RBFOX1: variants seen among roughly 807,000 people sequenced by gnomAD.
The protein encoded by RBFOX1 is RNA binding protein fox-1 homolog 1.
In RBFOX1, 8 loss-of-function variants were observed where a neutral mutation model predicts 57.7. The observed-to-expected ratio is 0.14, with a 90% CI of 0.08 to 0.25. The LOEUF (loss-of-function observed/expected upper bound fraction) is 0.25, where lower values mean the gene tolerates loss of function less well. Among genes scored for constraint, RBFOX1 ranks in the 10% least tolerant of loss-of-function variants. The probability of loss-of-function intolerance (pLI) is 1.00; values close to 1 mark genes in which losing one functional copy is unlikely to be tolerated. For synonymous variants in RBFOX1, 326 were observed against 222.4 expected, an observed-to-expected ratio of 1.47 and a Z score of -4.15; for missense variants, 611 against 548.5, an observed-to-expected ratio of 1.11 and a Z score of -1.14.
intron 14 of RBFOX1, among the ~76,000 whole-genome samples, chr16:7,682,955 A>G (rs1412232397): frequency 1.3e-5 from 1 of 76,048 alleles, no homozygotes; most frequent in Non-Finnish European, 2.6e-5. Context: ...TGAGATTCCT[A>G]TTACAAAGCA....
chr16:6,764,133 A>AG lies in RBFOX1; in HGVS notation c.-16+109486dup, dbSNP rs559759132. On this transcript the variant is annotated intron_variant, in intron 3 of 15. Coordinates refer to ENST00000550418, the MANE Select transcript of RBFOX1 (RefSeq NM_018723.4). ...TGCCTCCCAGTCTTTGCGTATGGAG[A>AG]GGGAAAGATGGGCATTCCCTAGTCC... Among the ~76,000 whole-genome samples the AG allele has an allele frequency of 7.9e-5, 12 of 152,216 alleles. No individual in the cohort carries two copies. The South Asian group carries it at 2.5e-3, about 32-fold the overall frequency.
chr16:7,407,984 CACAGTGCCTAAA>C (rs566005019), intron 4 of RBFOX1, among the ~76,000 whole-genome samples: 1 of 152,284 alleles, frequency 6.6e-6, no homozygotes, highest in Admixed American at 6.5e-5. Flanking sequence ...ATGTATGGCC[CACAGTGCCTAAA>C]ATATTTATTC....
At chr16:7,609,812 T>A (rs904811096) in intron 10 of RBFOX1, among the ~76,000 whole-genome samples, 16 of 148,638 alleles carry the variant, frequency 1.1e-4, no homozygotes, top group Admixed American at 1.0e-3. Context: ...GTTTTGTTTG[T>A]TTGTTTGTTT....
At chr16:7,628,293 C>T (rs1316592226) in intron 10 of RBFOX1, among the ~76,000 whole-genome samples, 3 of 152,034 alleles carry the variant, frequency 2.0e-5, no homozygotes, top group Admixed American at 6.6e-5. Context: ...AGGATCCTAT[C>T]GTAGATGATT....
intron 3 of RBFOX1, among the ~76,000 whole-genome samples, chr16:5,687,862 T>C (rs1390354853): frequency 6.6e-6 from 1 of 152,200 alleles, no homozygotes; most frequent in Non-Finnish European, 1.5e-5. Flanking sequence ...CATTTGTGGT[T>C]GGCATCCCCT....
intron 2 of RBFOX1, among the ~76,000 whole-genome samples, chr16:6,537,370 A>G (rs916589386): frequency 6.6e-6 from 1 of 152,218 alleles, no homozygotes; most frequent in East Asian, 1.9e-4. Context: ...GCTTACAATT[A>G]TGGATGAATT....
chr16:6,603,124 C>A (rs1188530716), intron 2 of RBFOX1, among the ~76,000 whole-genome samples: 1 of 152,288 alleles, frequency 6.6e-6, no homozygotes, highest in East Asian at 1.9e-4. Context: ...GTGGTCTTAG[C>A]TGAATTGTTC....
chr16:6,931,146 A>G (rs991863599), intron 3 of RBFOX1, among the ~76,000 whole-genome samples: 5 of 152,166 alleles, frequency 3.3e-5, no homozygotes, highest in Non-Finnish European at 5.9e-5. Context: ...AGAAAAATTC[A>G]GAACACATTG....
In RBFOX1 at chr16:7,608,023, C is replaced by T. The variant is rs2056687693; in HGVS notation, c.676+685C>T. Among the ~76,000 whole-genome samples the T allele has an allele frequency of 2.0e-5, 3 of 152,224 alleles. No homozygotes were observed. The South Asian group carries it at 6.2e-4, about 32-fold the overall frequency. On this transcript the variant is annotated intron_variant, in intron 10 of 15. Transcript: ENST00000550418. ...AGATTTCATGTCTCGATGTCCTCGGCTTGGCCCGTCACTACTGCCTGTATG... is the reference window on the plus strand; with the variant it reads ...AGATTTCATGTCTCGATGTCCTCGGTTTGGCCCGTCACTACTGCCTGTATG...
intron 4 of RBFOX1, among the ~76,000 whole-genome samples, chr16:7,233,841 T>A (rs7205378): frequency 0.64 from 97,221 of 152,100 alleles, 33,077 homozygotes; most frequent in East Asian, 0.96. Context: ...CAAAGCTAAT[T>A]GACAACAAGG....
intron 4 of RBFOX1, among the ~76,000 whole-genome samples, chr16:7,342,229 T>C (rs2096911674): frequency 6.6e-6 from 1 of 152,150 alleles, no homozygotes; most frequent in South Asian, 2.1e-4. Flanking sequence ...ATGGGAGTAA[T>C]ACCAAGTGTA....
chr16:6,956,554 G>T (rs1215505394), intron 3 of RBFOX1, among the ~76,000 whole-genome samples: 3 of 152,168 alleles, frequency 2.0e-5, no homozygotes, highest in Non-Finnish European at 4.4e-5. Context: ...GCCAGTGGGG[G>T]CAGTTGTACC....
intron 5 of RBFOX1, among the ~76,000 whole-genome samples, chr16:7,529,674 A>C (rs1272325894): frequency 6.6e-6 from 1 of 152,164 alleles, no homozygotes; most frequent in Non-Finnish European, 1.5e-5. Flanking sequence ...GCCTCTGAAG[A>C]TACTGAATTT....
chr16:7,534,598 A>C (rs899574241), intron 5 of RBFOX1, among the ~76,000 whole-genome samples: 1 of 152,270 alleles, frequency 6.6e-6, no homozygotes, highest in East Asian at 1.9e-4. Flanking sequence ...TAAAGTCGTT[A>C]GTGCGTCTTC....
chr16:6,263,584 C>G (rs955741787), intron 1 of RBFOX1, among the ~76,000 whole-genome samples: 1 of 152,166 alleles, frequency 6.6e-6, no homozygotes, highest in Admixed American at 6.6e-5. Flanking sequence ...CCCAATTCAA[C>G]AAGAACTAGT....
At chr16:6,076,874 G>C (rs570413419) in intron 1 of RBFOX1, among the ~76,000 whole-genome samples, 13 of 152,262 alleles carry the variant, frequency 8.5e-5, no homozygotes, top group Non-Finnish European at 1.6e-4. Flanking sequence ...TCAGTGAGTA[G>C]GCTCCAAAGC....
intron 1 of RBFOX1, among the ~76,000 whole-genome samples, chr16:6,271,519 A>G (rs939062295): frequency 6.6e-6 from 1 of 152,196 alleles, no homozygotes; most frequent in Non-Finnish European, 1.5e-5. Flanking sequence ...AATCAGTACA[A>G]AGAAGAAGCT....
chr16:6,931,271 ATCT>A (rs146040323), intron 3 of RBFOX1, among the ~76,000 whole-genome samples: 1,829 of 124,636 alleles, frequency 0.015, 37 homozygotes, highest in Middle Eastern at 0.033. Context: ...AAAAAAAAAA[ATCT>A]ATCTATCTGT....
chr16:6,583,916 A>G (rs1364399537), intron 2 of RBFOX1, among the ~76,000 whole-genome samples: 1 of 152,192 alleles, frequency 6.6e-6, no homozygotes, highest in African/African-American at 2.4e-5. Context: ...TTGTTTGTAA[A>G]GAAAGACGAT....
Sources: gnomAD v4.1 joint callset for allele counts (sites outside exome capture counted in the v4.1 genomes callset) on GRCh38, gnomAD v4.1.1 for gene constraint, MANE v1.5 for transcripts, NCBI Gene and HGNC (gene_info 2026-07-23, HGNC 2026-07-21) for gene names.